The following NPFFR2 variants were observed in gnomAD, a reference collection of about 807,000 sequenced individuals.
The protein encoded by NPFFR2 is neuropeptide FF receptor 2, also known as G-protein coupled receptor 74.
In NPFFR2, 15 loss-of-function variants were observed where a neutral mutation model predicts 13.1. The ratio of observed to expected loss-of-function variants is 1.15; its 90% CI spans 0.77 to 1.76. NPFFR2 has a LOEUF of 1.76. Ranked by LOEUF, NPFFR2 falls within the 40% of genes most tolerant of loss-of-function variation. NPFFR2 has a pLI of 0.00. For missense variants in NPFFR2, 572 were observed against 503.5 expected (o/e 1.14, Z -1.30); for synonymous variants, 190 against 175.7 (o/e 1.08, Z -0.65).
intron 1 of NPFFR2, among the ~76,000 whole-genome samples, chr4:72,127,282 T>C (rs1182082184): frequency 2.5e-5 from 2 of 80,514 alleles, no homozygotes; most frequent in African/African-American, 5.4e-5. Flanking sequence ...CCAGCCTGGG[T>C]GACAGAGCTA....
At chr4:72,114,945 G>A (rs1721668662) in intron 1 of NPFFR2, among the ~76,000 whole-genome samples, 2 of 152,090 alleles carry the variant, frequency 1.3e-5, no homozygotes, top group African/African-American at 4.8e-5. Context: ...CTAAAAATGG[G>A]AACAGTGATA....
intron 1 of NPFFR2, among the ~76,000 whole-genome samples, chr4:72,090,307 G>A (rs377450883): frequency 1.8e-4 from 27 of 151,980 alleles, no homozygotes; most frequent in Admixed American, 3.3e-4. Context: ...GCTATGCAGG[G>A]TCTTTTTTGG....
chr4:72,103,430 A>G (rs1721315785), intron 1 of NPFFR2, among the ~76,000 whole-genome samples: 1 of 152,126 alleles, frequency 6.6e-6, no homozygotes, highest in South Asian at 2.1e-4. Flanking sequence ...GGCCCTTACC[A>G]GTTGCCAATG....
At chr4:72,091,499 A>G (rs76640301) in intron 1 of NPFFR2, among the ~76,000 whole-genome samples, 4,436 of 152,010 alleles carry the variant, frequency 0.029, 176 homozygotes, top group African/African-American at 0.09. Flanking sequence ...TCACCAATTT[A>G]CCACTGCTCA....
intron 1 of NPFFR2, among the ~76,000 whole-genome samples, chr4:72,055,694 G>A (rs1401186932): frequency 6.6e-6 from 1 of 151,968 alleles, no homozygotes; most frequent in African/African-American, 2.4e-5. Context: ...AGCTAGCCAA[G>A]TTGTGAATGC....
intron 1 of NPFFR2, among the ~76,000 whole-genome samples, chr4:72,074,492 A>G (rs1415886213): frequency 6.6e-6 from 1 of 152,070 alleles, no homozygotes; most frequent in Non-Finnish European, 1.5e-5. Flanking sequence ...TTCTGTGCCT[A>G]ATTTATAAAT....
chr4:72,128,857 T>A lies in NPFFR2; in HGVS notation c.266T>A (p.Ile89Lys), dbSNP rs773354770. 13 of 1,612,926 alleles carry A rather than the reference T, an allele frequency of 8.1e-6. 1 individual carries two copies. The highest frequency in any genetic ancestry group is 7.7e-5 in the South Asian group (7 of 91,056). Reference sequence around the variant, plus strand: ...AATCTCTTCATCTTAAACCTGGCCATAAGTGATTTACTAGTTGGCATATTC... The same window carrying A: ...AATCTCTTCATCTTAAACCTGGCCAAAAGTGATTTACTAGTTGGCATATTC... Reference protein sequence around the residue: ...VTNLFILNLAISDLLVGIFCM... With the variant: ...VTNLFILNLAKSDLLVGIFCM... Residue 89 changes from isoleucine to lysine, a missense_variant, in exon 2 of 4, where the codon ATA (isoleucine) becomes AAA (lysine). Coordinates refer to ENST00000308744, the MANE Select transcript of NPFFR2 (RefSeq NM_004885.3).
chr4:72,039,559 A>G (rs1226992037), intron 1 of NPFFR2: 3 of 211,328 alleles, frequency 1.4e-5, no homozygotes, highest in Non-Finnish European at 2.5e-5. Context: ...ACCTTGTGGA[A>G]AGCCCTCCAT....
intron 2 of NPFFR2, among the ~76,000 whole-genome samples, chr4:72,134,179 C>T (rs1722337852): frequency 6.6e-6 from 1 of 152,110 alleles, no homozygotes; most frequent in South Asian, 2.1e-4. Context: ...GCATGATAAT[C>T]ACTTGAACCC....
intron 1 of NPFFR2, among the ~76,000 whole-genome samples, chr4:72,085,141 T>G (rs894580338): frequency 6.6e-6 from 1 of 152,158 alleles, no homozygotes; most frequent in Non-Finnish European, 1.5e-5. Flanking sequence ...AAAAGACAGA[T>G]ACCAACAAAT....
chr4:72,076,222 T>G (rs551916402), intron 1 of NPFFR2, among the ~76,000 whole-genome samples: 1 of 146,014 alleles, frequency 6.8e-6, no homozygotes, highest in East Asian at 2.0e-4. Flanking sequence ...ATTTTTGGAT[T>G]AAAAAAATAA....
Position 72,147,713 on chromosome 4 carries a change from T to A in NPFFR2, c.1164T>A (p.Pro388=), listed in dbSNP as rs1159489277. ...QLVQESTFQN[P]HGETLLYRKS... ...TCCAGGAATCTACATTTCAAAACCC[T>A]CATGGGGAAACCTTGCTTTATAGGA... The change falls in exon 4 of 4, where the codon CCT becomes CCA. Residue 388 remains proline (P), a synonymous_variant. Coordinates refer to ENST00000308744, the MANE Select transcript of NPFFR2 (RefSeq NM_004885.3). The A allele has an allele frequency of 6.2e-7, 1 of 1,613,354 alleles. No homozygotes were observed. The highest frequency in any genetic ancestry group is 1.1e-5 in the South Asian group (1 of 90,818).
At chr4:72,119,975 T>A (rs1721821808) in intron 1 of NPFFR2, among the ~76,000 whole-genome samples, 1 of 152,094 alleles carries the variant, frequency 6.6e-6, no homozygotes, top group Non-Finnish European at 1.5e-5. Context: ...GGGAGCCAAG[T>A]GGTCTGGCTC....
intron 1 of NPFFR2, among the ~76,000 whole-genome samples, chr4:72,037,541 T>C (rs990002501): frequency 2.6e-5 from 4 of 152,198 alleles, no homozygotes; most frequent in African/African-American, 9.7e-5. Context: ...CCAGTCTTTG[T>C]AAGGATGCTG....
chr4:72,076,218 G>T (rs533370161), intron 1 of NPFFR2, among the ~76,000 whole-genome samples: 35 of 148,974 alleles, frequency 2.3e-4, no homozygotes, highest in African/African-American at 8.6e-4. Context: ...ATACATTTTT[G>T]GATTAAAAAA....
At chr4:72,121,889 T>TCACACATATCAATATTA (rs1177701309) in intron 1 of NPFFR2, among the ~76,000 whole-genome samples, 2 of 152,066 alleles carry the variant, frequency 1.3e-5, no homozygotes, top group Non-Finnish European at 2.9e-5. Flanking sequence ...AGGATAAAAT[T>TCACACATATCAATATTA]CACACATATC....
chr4:72,051,006 C>A (rs1212292190), intron 1 of NPFFR2, among the ~76,000 whole-genome samples: 5 of 151,908 alleles, frequency 3.3e-5, no homozygotes, highest in African/African-American at 1.2e-4. Context: ...TTAATCCAGT[C>A]TATCATTGTT....
At chr4:72,119,134 A>T (rs1490220110) in intron 1 of NPFFR2, among the ~76,000 whole-genome samples, 3 of 152,182 alleles carry the variant, frequency 2.0e-5, no homozygotes, top group African/African-American at 7.2e-5. Flanking sequence ...TACAATATAT[A>T]AAAATGCATA....
chr4:72,092,293 G>T (rs1199615696), intron 1 of NPFFR2, among the ~76,000 whole-genome samples: 1 of 152,028 alleles, frequency 6.6e-6, no homozygotes, highest in South Asian at 2.1e-4. Context: ...ATTTGCTGAT[G>T]AATAGAATGT....
Sources: allele counts gnomAD v4.1 joint callset (sites outside exome capture counted in the v4.1 genomes callset), GRCh38; gene constraint gnomAD v4.1.1; transcripts MANE v1.5; gene names NCBI Gene and HGNC (gene_info 2026-07-23, HGNC 2026-07-21).